Variants in EYS observed in about 807,000 individuals in gnomAD.
The protein encoded by EYS is protein eyes shut homolog.
Under a neutral mutation model 282.1 loss-of-function variants are expected in EYS, and 250 were observed. That is an observed-to-expected ratio of 0.89 (90% CI 0.80 to 0.98). EYS has a LOEUF of 0.98. Among genes scored for constraint, EYS ranks in the 50% least tolerant of loss-of-function variants. The pLI is 0.00. For missense variants in EYS, 4,016 were observed against 3,709.0 expected (o/e 1.08, Z -2.15); for synonymous variants, 1,355 against 1,282.9 (o/e 1.06, Z -1.20).
chr6:64,661,368 A>G (rs527466246), intron 22 of EYS, among the ~76,000 whole-genome samples: 2 of 152,332 alleles, frequency 1.3e-5, no homozygotes, highest in African/African-American at 2.4e-5. Context: ...AATGGCAACA[A>G]AAGCCAAAAT....
chr6:65,143,961 T>C (rs551314623), intron 12 of EYS, among the ~76,000 whole-genome samples: 6 of 152,090 alleles, frequency 3.9e-5, no homozygotes, highest in Non-Finnish European at 7.4e-5. Context: ...AGTGAGTTCC[T>C]CAGTATTGGG....
intron 26 of EYS, among the ~76,000 whole-genome samples, chr6:64,493,940 C>T (rs1296281117): frequency 1.3e-5 from 2 of 151,548 alleles, no homozygotes; most frequent in Admixed American, 1.3e-4. Flanking sequence ...CCAGGATATA[C>T]AGGAACTCCA....
intron 41 of EYS, among the ~76,000 whole-genome samples, chr6:63,729,023 G>T (rs12205302): frequency 0.54 from 81,636 of 151,886 alleles, 23,354 homozygotes; most frequent in African/African-American, 0.74. Context: ...TTAGCTATTC[G>T]AAAAAGTATC....
chr6:64,398,779 G>T (rs1773459818), intron 28 of EYS, among the ~76,000 whole-genome samples: 1 of 151,758 alleles, frequency 6.6e-6, no homozygotes, highest in African/African-American at 2.4e-5. Flanking sequence ...CAACTTTGGG[G>T]CTTTGATAAA....
chr6:64,853,092 G>T (rs546556343), intron 19 of EYS, among the ~76,000 whole-genome samples: 364 of 152,068 alleles, frequency 2.4e-3, no homozygotes, highest in Non-Finnish European at 4.3e-3. Flanking sequence ...TATGATAAAT[G>T]TGTAGAGTTC....
At chr6:65,464,907 G>A (rs1764945287) in intron 5 of EYS, among the ~76,000 whole-genome samples, 1 of 152,088 alleles carries the variant, frequency 6.6e-6, no homozygotes, top group Non-Finnish European at 1.5e-5. Context: ...AGGCTTAAAG[G>A]TATCCACATG....
chr6:65,398,916 A>G (rs1027976517), intron 7 of EYS, among the ~76,000 whole-genome samples: 15 of 152,222 alleles, frequency 9.9e-5, no homozygotes, highest in African/African-American at 3.4e-4. Flanking sequence ...CTTTCAATTG[A>G]GCAAACAACC....
chr6:65,515,593 A>G (rs1383822300), intron 2 of EYS, among the ~76,000 whole-genome samples: 1 of 152,048 alleles, frequency 6.6e-6, no homozygotes, highest in African/African-American at 2.4e-5. Context: ...CATATACACC[A>G]TGGAATACCA....
chr6:65,370,666 T>C (rs1478260797), intron 8 of EYS, among the ~76,000 whole-genome samples: 3 of 151,910 alleles, frequency 2.0e-5, no homozygotes, highest in Non-Finnish European at 2.9e-5. Context: ...GTTCTATGTA[T>C]TGCTATAAAA....
At chr6:64,886,399 C>A (rs564841963) in intron 19 of EYS, among the ~76,000 whole-genome samples, 139 of 151,864 alleles carry the variant, frequency 9.2e-4, no homozygotes, top group Non-Finnish European at 1.3e-3. Flanking sequence ...TGTTAGATTA[C>A]CCATACAGAA....
chr6:64,091,420 G>A (rs1382428190), intron 31 of EYS, among the ~76,000 whole-genome samples: 2 of 152,132 alleles, frequency 1.3e-5, no homozygotes, highest in Non-Finnish European at 2.9e-5. Flanking sequence ...AAGGGTCTGG[G>A]CTGCTGTGAT....
chr6:64,905,664 T>A (rs1298221539), intron 16 of EYS, among the ~76,000 whole-genome samples: 1 of 152,202 alleles, frequency 6.6e-6, no homozygotes, highest in Non-Finnish European at 1.5e-5. Flanking sequence ...TATTATTTTT[T>A]AAAATCACTT....
chr6:64,671,545 T>G (rs530202456), intron 22 of EYS, among the ~76,000 whole-genome samples: 58 of 152,282 alleles, frequency 3.8e-4, no homozygotes, highest in African/African-American at 1.4e-3. Context: ...ACCATCTTTT[T>G]GAGACAGTAT....
chr6:65,532,855 G>T (rs1767827652), intron 2 of EYS, among the ~76,000 whole-genome samples: 1 of 152,074 alleles, frequency 6.6e-6, no homozygotes, highest in African/African-American at 2.4e-5. Flanking sequence ...GCTTTCTGAA[G>T]TTTCCACTTT....
At position 65,704,498 on chromosome 6, in the gene EYS, T is replaced by C. The variant is rs145187365; in HGVS notation, c.-448+2637A>G. Among the ~76,000 whole-genome samples, 1,489 of 152,348 alleles carry C rather than the reference T, an allele frequency of 9.8e-3. 7 individuals carry two copies. The highest frequency in any genetic ancestry group is 0.016 in the Non-Finnish European group (1,074 of 68,026). On this transcript the variant is annotated intron_variant, in intron 1 of 42. Coordinates refer to ENST00000503581, the MANE Select transcript of EYS (RefSeq NM_001142800.2). ...ATTATAATTCAGGTTTACATTTACT[T>C]GTTCAAAGAAAGAATGTGTGCTTGA...
intron 26 of EYS, among the ~76,000 whole-genome samples, chr6:64,569,558 G>A (rs545477843): frequency 4.7e-4 from 72 of 152,094 alleles, no homozygotes; most frequent in African/African-American, 1.6e-3. Context: ...TGGCTAACAC[G>A]GTGAAACCCC....
chr6:64,962,365 A>C (rs1461317538), intron 14 of EYS, among the ~76,000 whole-genome samples: 1 of 152,026 alleles, frequency 6.6e-6, no homozygotes, highest in African/African-American at 2.4e-5. Context: ...GTATCTCTTT[A>C]TCTCTCTCTT....
chr6:64,321,419 T>C (rs1770216153), intron 29 of EYS, among the ~76,000 whole-genome samples: 1 of 151,844 alleles, frequency 6.6e-6, no homozygotes, highest in South Asian at 2.1e-4. Flanking sequence ...AGCTAATAAA[T>C]AATATAAGGC....
intron 14 of EYS, among the ~76,000 whole-genome samples, chr6:64,968,339 C>T (rs114585441): frequency 0.012 from 1,849 of 152,056 alleles, 41 homozygotes; most frequent in African/African-American, 0.042. Flanking sequence ...AAAACTATGG[C>T]AATTTTATAT....
Sources: allele counts gnomAD v4.1 joint callset (sites outside exome capture counted in the v4.1 genomes callset), GRCh38; gene constraint gnomAD v4.1.1; transcripts MANE v1.5; gene names NCBI Gene and HGNC (gene_info 2026-07-23, HGNC 2026-07-21).